CNTN3: variants seen among roughly 807,000 people sequenced by gnomAD.
CNTN3 encodes the protein contactin 3.
CNTN3 carries 60 observed loss-of-function variants against 119.1 expected under a neutral mutation model. The observed-to-expected ratio is 0.50, with a 90% CI of 0.41 to 0.62. The LOEUF (loss-of-function observed/expected upper bound fraction) is 0.62, where lower values mean the gene tolerates loss of function less well. Among genes scored for constraint, CNTN3 ranks in the 20% least tolerant of loss-of-function variants. The pLI is 0.00. For missense variants in CNTN3, 1,101 were observed against 1,242.4 expected, an observed-to-expected ratio of 0.89 and a Z score of 1.71; for synonymous variants, 450 against 438.7, an observed-to-expected ratio of 1.03 and a Z score of -0.32.
intron 5 of CNTN3, among the ~76,000 whole-genome samples, chr3:74,420,915 T>A (rs1701606023): frequency 6.6e-6 from 1 of 152,192 alleles, no homozygotes; most frequent in African/African-American, 2.4e-5. Context: ...TCTGGCCTCC[T>A]GCCTCATGTG....
At chr3:74,483,518 C>A (rs1235312743) in intron 4 of CNTN3, among the ~76,000 whole-genome samples, 1 of 152,084 alleles carries the variant, frequency 6.6e-6, no homozygotes, top group Non-Finnish European at 1.5e-5. Flanking sequence ...TTGCAGAGAG[C>A]AACCTGGGGG....
chr3:74,313,244 G>A (rs1702743077), intron 13 of CNTN3, among the ~76,000 whole-genome samples: 1 of 151,600 alleles, frequency 6.6e-6, no homozygotes, highest in South Asian at 2.1e-4. Context: ...AGGGAGAAAG[G>A]GAAAAAAGCA....
rs561093954 is a variant in CNTN3, at chr3:74,414,793, G to A, written c.454+10052C>T. Among the ~76,000 whole-genome samples, 9 of 151,400 alleles carry A rather than the reference G, an allele frequency of 5.9e-5. No individual in the cohort carries two copies. The East Asian group carries it at 1.8e-3, about 30-fold the overall frequency. On this transcript the variant is annotated intron_variant, in intron 5 of 22. Transcript: ENST00000263665. ...AAACACAGGTACACACAAATGCGCT[G>A]TAATGGAAGCAACCAATGTTTTATT...
intron 13 of CNTN3, among the ~76,000 whole-genome samples, chr3:74,333,897 C>T: frequency 6.6e-6 from 1 of 152,054 alleles, no homozygotes; most frequent in East Asian, 1.9e-4. Context: ...TTGACAAAAC[C>T]AGACTTGACT....
intron 5 of CNTN3, among the ~76,000 whole-genome samples, chr3:74,396,979 A>T (rs1361788000): frequency 6.6e-6 from 1 of 152,200 alleles, no homozygotes; most frequent in Non-Finnish European, 1.5e-5. Context: ...TTCAATGTAG[A>T]TGAAATAGCC....
chr3:74,518,975 T>C (rs565948465), intron 2 of CNTN3, among the ~76,000 whole-genome samples: 3 of 151,944 alleles, frequency 2.0e-5, no homozygotes, highest in African/African-American at 7.2e-5. Flanking sequence ...TCCTTCACTA[T>C]AGTATTGATA....
At chr3:74,349,473 G>A (rs116180405) in intron 11 of CNTN3, among the ~76,000 whole-genome samples, 1,581 of 152,294 alleles carry the variant, frequency 0.01, 5 homozygotes, top group Admixed American at 0.017. Context: ...TCCAGCCAGA[G>A]AAAACCACAA....
chr3:74,314,922 C>T (rs112271102), intron 13 of CNTN3, among the ~76,000 whole-genome samples: 46 of 152,280 alleles, frequency 3.0e-4, no homozygotes, highest in African/African-American at 1.1e-3. Context: ...ACTGCATTCC[C>T]AGGAGGTCAG....
chr3:74,569,250 T>C (rs529875898), intron 1 of CNTN3, among the ~76,000 whole-genome samples: 1 of 152,260 alleles, frequency 6.6e-6, no homozygotes, highest in African/African-American at 2.4e-5. Flanking sequence ...TTCACAAGCA[T>C]TAAACTGAAA....
At chr3:74,313,067 A>G (rs996125714) in intron 13 of CNTN3, among the ~76,000 whole-genome samples, 1 of 152,156 alleles carries the variant, frequency 6.6e-6, no homozygotes, top group African/African-American at 2.4e-5. Context: ...GCTTATTAAT[A>G]GACTGGGCAT....
chr3:74,387,747 T>C (rs572231211), intron 5 of CNTN3, among the ~76,000 whole-genome samples: 3 of 152,362 alleles, frequency 2.0e-5, no homozygotes, highest in Non-Finnish European at 4.4e-5. Context: ...GAGAACTTGC[T>C]TTGACTTTAA....
intron 5 of CNTN3, among the ~76,000 whole-genome samples, chr3:74,385,471 G>A (rs760704941): frequency 1.5e-4 from 23 of 152,262 alleles, no homozygotes; most frequent in Middle Eastern, 3.4e-3. Context: ...ATCTCTGATC[G>A]TTAAAGTAAC....
intron 3 of CNTN3, among the ~76,000 whole-genome samples, chr3:74,490,292 A>C (rs1056554606): frequency 3.9e-5 from 6 of 152,222 alleles, no homozygotes; most frequent in African/African-American, 1.4e-4. Context: ...AGATGCAGTT[A>C]AGTTCAAACA....
In CNTN3 at chr3:74,371,233, C is replaced by A. The variant is rs970326952; in HGVS notation, c.621G>T (p.Val207=). Residue 207 remains valine, a synonymous_variant, in exon 6 of 23, where the codon GTG becomes GTT. Transcript: ENST00000263665. ...VVTSMVTNAR[V]LGSPTPLVLR... ...GCACCAAAGGAGTTGGAGAGCCCAG[C>A]ACTCGGGCATTTGTCACCATACTTG... The A allele has an allele frequency of 1.2e-6, 2 of 1,613,356 alleles. No individual in the cohort carries two copies. Among genetic ancestry groups the A allele is most frequent in the Non-Finnish European group, 8.5e-7 (1 of 1,179,582 alleles).
chr3:74,549,009 T>C (rs534484711), intron 1 of CNTN3, among the ~76,000 whole-genome samples: 2 of 152,298 alleles, frequency 1.3e-5, no homozygotes, highest in Non-Finnish European at 2.9e-5. Flanking sequence ...ATCACATTGG[T>C]CCATTATATG....
At chr3:74,545,124 G>A (rs1178837723) in intron 1 of CNTN3, among the ~76,000 whole-genome samples, 1 of 151,588 alleles carries the variant, frequency 6.6e-6, no homozygotes, top group Non-Finnish European at 1.5e-5. Flanking sequence ...AATACCCTTT[G>A]GTATTAGTAA....
intron 5 of CNTN3, among the ~76,000 whole-genome samples, chr3:74,401,505 C>T (rs543258341): frequency 1.5e-4 from 22 of 150,494 alleles, no homozygotes; most frequent in South Asian, 4.2e-4. Flanking sequence ...ACACACCACA[C>T]ACGCGCGCAC....
intron 1 of CNTN3, among the ~76,000 whole-genome samples, chr3:74,596,618 A>T (rs1038253651): frequency 6.6e-6 from 1 of 152,158 alleles, no homozygotes; most frequent in African/African-American, 2.4e-5. Flanking sequence ...TGGTGCTGGG[A>T]AAACTGGCTA....
chr3:74,526,770 C>G (rs192334315), intron 1 of CNTN3, among the ~76,000 whole-genome samples: 6 of 151,838 alleles, frequency 4.0e-5, no homozygotes, highest in Non-Finnish European at 8.8e-5. Flanking sequence ...GGAAGTCATC[C>G]CATGCTCCCA....
Sources: allele counts gnomAD v4.1 joint callset (sites outside exome capture counted in the v4.1 genomes callset), GRCh38; gene constraint gnomAD v4.1.1; transcripts MANE v1.5; gene names NCBI Gene and HGNC (gene_info 2026-07-23, HGNC 2026-07-21).